The following UBR1 variants were observed in gnomAD, a reference collection of about 807,000 sequenced individuals.
UBR1 encodes the protein E3 ubiquitin-protein ligase UBR1.
In UBR1, 102 loss-of-function variants were observed where a neutral mutation model predicts 242.1. The ratio of observed to expected loss-of-function variants is 0.42; its 90% CI spans 0.36 to 0.50. The LOEUF (loss-of-function observed/expected upper bound fraction) is 0.50. Ranked by LOEUF, UBR1 falls within the 20% of genes least tolerant of loss-of-function variation. The pLI is 0.01. For missense variants in UBR1, 1,772 were observed against 2,101.8 expected (o/e 0.84, Z 3.07); for synonymous variants, 675 against 684.8 (o/e 0.99, Z 0.22).
intron 10 of UBR1, among the ~76,000 whole-genome samples, chr15:43,056,711 C>T (rs527567553): frequency 3.9e-5 from 6 of 152,166 alleles, no homozygotes; most frequent in African/African-American, 1.2e-4. Context: ...AACAAACAAA[C>T]AAACAAACAA....
At chr15:43,012,982 T>G (rs1419500365) in intron 29 of UBR1, among the ~76,000 whole-genome samples, 1 of 152,188 alleles carries the variant, frequency 6.6e-6, no homozygotes, top group Non-Finnish European at 1.5e-5. Context: ...CTCTGCTCAC[T>G]ACAACCCCTG....
intron 3 of UBR1, among the ~76,000 whole-genome samples, chr15:43,076,224 C>G (rs1316102091): frequency 2.0e-5 from 3 of 152,046 alleles, no homozygotes; most frequent in Non-Finnish European, 2.9e-5. Context: ...GCGAGTGATC[C>G]GCCAGCCTCG....
chr15:43,021,438 G>T, intron 26 of UBR1, 63 bp from the exon 27 acceptor site: 1 of 1,535,788 alleles, frequency 6.5e-7, no homozygotes, highest in Non-Finnish European at 9.0e-7. Flanking sequence ...TATCCTCAGG[G>T]AATTGGTTTC....
chr15:43,070,680 A>G, intron 5 of UBR1, 115 bp downstream of exon 5: 1 of 1,478,154 alleles, frequency 6.8e-7, no homozygotes. Flanking sequence ...ATAAGTCACT[A>G]AGAATTTTTC....
chr15:43,044,556 T>A (rs1370389811), intron 14 of UBR1, among the ~76,000 whole-genome samples: 2 of 152,130 alleles, frequency 1.3e-5, no homozygotes, highest in African/African-American at 2.4e-5. Context: ...TTTGGAAACA[T>A]CCCTCTCAGA....
chr15:43,081,295 T>C (rs1161871920), intron 3 of UBR1, among the ~76,000 whole-genome samples: 1 of 151,516 alleles, frequency 6.6e-6, no homozygotes, highest in East Asian at 2.0e-4. Flanking sequence ...CGCACGCCTG[T>C]AATCCTAGCT....
intron 39 of UBR1, among the ~76,000 whole-genome samples, chr15:42,972,227 C>T (rs760391894): frequency 3.3e-5 from 5 of 152,160 alleles, no homozygotes; most frequent in South Asian, 4.1e-4. Context: ...CTTTCACTGA[C>T]CCTATAGTTT....
At chr15:43,057,763 T>G (rs892839988) in intron 10 of UBR1, among the ~76,000 whole-genome samples, 1 of 152,186 alleles carries the variant, frequency 6.6e-6, no homozygotes, top group Admixed American at 6.5e-5. Context: ...AATAAATGAT[T>G]AGGAAGACTG....
At chr15:42,970,361 T>G (rs2032183600) in intron 40 of UBR1, among the ~76,000 whole-genome samples, 159 bp downstream of exon 40, 1 of 152,220 alleles carries the variant, frequency 6.6e-6, no homozygotes, top group South Asian at 2.1e-4. Flanking sequence ...GATTAAAGAT[T>G]TAAATGTAAG....
At chr15:43,001,866 A>G (rs569168692) in intron 32 of UBR1, among the ~76,000 whole-genome samples, 1 of 152,322 alleles carries the variant, frequency 6.6e-6, no homozygotes, top group African/African-American at 2.4e-5. Context: ...CAGAAAAATG[A>G]AATTAAAAAT....
chr15:43,086,750 A>C (rs2034041087), intron 1 of UBR1, among the ~76,000 whole-genome samples: 1 of 152,238 alleles, frequency 6.6e-6, no homozygotes, highest in Non-Finnish European at 1.5e-5. Flanking sequence ...GCATGTGAAA[A>C]CATGCTTACA....
rs1385179347 is a variant in UBR1 at position 42,944,281 on chromosome 15, C to A, written c.*1048G>T. ...TATAAACAAGATGGCTCAACCACAG[C>A]ATGTTATAACAGGACACAGACTATT... is the stretch of plus-strand genomic sequence containing the variant. On this transcript the variant is annotated 3_prime_UTR_variant, in exon 47 of 47. Coordinates refer to ENST00000290650, the MANE Select transcript of UBR1 (RefSeq NM_174916.3). 6.6e-6 allele frequency: 1 copy of A among 152,584 alleles called. No homozygotes were observed. The highest frequency in any genetic ancestry group is 1.9e-4 in the East Asian group (1 of 5,202). 9.5% of individuals were successfully genotyped at this position (152,584 alleles called of 1,614,324 possible).
chr15:43,080,732 A>G (rs2033965665), intron 3 of UBR1, among the ~76,000 whole-genome samples: 2 of 152,280 alleles, frequency 1.3e-5, no homozygotes, highest in Admixed American at 1.3e-4. Flanking sequence ...AGGTGGGTGG[A>G]TCACTTGAGG....
At chr15:42,950,090 C>T (rs1317878598) in intron 46 of UBR1, among the ~76,000 whole-genome samples, 172 bp downstream of exon 46, 1 of 152,048 alleles carries the variant, frequency 6.6e-6, no homozygotes, top group Admixed American at 6.6e-5. Flanking sequence ...CTGCCTGCTT[C>T]GGCCTCCCAA....
intron 34 of UBR1, among the ~76,000 whole-genome samples, chr15:42,989,545 AAAT>A (rs1401844514): frequency 6.6e-6 from 1 of 152,198 alleles, no homozygotes; most frequent in African/African-American, 2.4e-5. Flanking sequence ...AATATTAATG[AAAT>A]AATAATATCT....
intron 32 of UBR1, among the ~76,000 whole-genome samples, chr15:42,998,558 T>C (rs1372101639): frequency 6.6e-6 from 1 of 152,214 alleles, no homozygotes; most frequent in Non-Finnish European, 1.5e-5. Context: ...GGTGTTGTCA[T>C]TGATTTCTCT....
chr15:43,055,931 A>G (rs2033612930), intron 11 of UBR1, among the ~76,000 whole-genome samples: 1 of 152,094 alleles, frequency 6.6e-6, no homozygotes. Flanking sequence ...ACAAAAAACA[A>G]AGAAAAGAAG....
At chr15:43,095,182 A>G (rs2034144595) in intron 1 of UBR1, among the ~76,000 whole-genome samples, 1 of 152,214 alleles carries the variant, frequency 6.6e-6, no homozygotes, top group Non-Finnish European at 1.5e-5. Context: ...TAAAAAATTG[A>G]TAAATTAACA....
At chr15:42,993,492 C>T (rs141993127) in intron 33 of UBR1, among the ~76,000 whole-genome samples, 7 of 152,022 alleles carry the variant, frequency 4.6e-5, no homozygotes, top group African/African-American at 9.6e-5. Flanking sequence ...CTCAACCATC[C>T]GAGTAGCTGG....
Sources: allele counts gnomAD v4.1 joint callset (sites outside exome capture counted in the v4.1 genomes callset), GRCh38; gene constraint gnomAD v4.1.1; transcripts MANE v1.5; gene names NCBI Gene and HGNC (gene_info 2026-07-23, HGNC 2026-07-21).